The following SVIL variants were observed in gnomAD, a reference collection of about 807,000 sequenced individuals.
SVIL encodes supervillin, also known as archvillin.
SVIL carries 101 observed loss-of-function variants against 240.4 expected under a neutral mutation model. The ratio of observed to expected loss-of-function variants is 0.42; its 90% CI spans 0.36 to 0.50. The LOEUF is 0.50. Ranked by LOEUF, SVIL falls within the 20% of genes least tolerant of loss-of-function variation. The pLI is 0.01. For synonymous variants in SVIL, 999 were observed against 1,100.0 expected (o/e 0.91, Z 1.82); for missense variants, 2,512 against 2,818.7 (o/e 0.89, Z 2.46).
chr10:29,515,985 T>C (rs1228617375), intron 16 of SVIL, among the ~76,000 whole-genome samples: 6 of 151,986 alleles, frequency 3.9e-5, no homozygotes, highest in Admixed American at 3.9e-4. Flanking sequence ...CGTGGGTACA[T>C]CCGGGTCAAG....
At chr10:29,517,522 C>T (rs1424800453) in intron 16 of SVIL, among the ~76,000 whole-genome samples, 1 of 152,236 alleles carries the variant, frequency 6.6e-6, no homozygotes, top group Admixed American at 6.5e-5. Flanking sequence ...CTGGGGCCCT[C>T]TAGTGGCTGA....
intron 6 of SVIL, among the ~76,000 whole-genome samples, chr10:29,542,059 C>T (rs1952207016): frequency 6.6e-6 from 1 of 152,174 alleles, no homozygotes; most frequent in South Asian, 2.1e-4. Context: ...CATCGCTAAG[C>T]CTGCTGTGTA....
In SVIL at chr10:29,486,237, G is replaced by T. The variant is rs1564496494; in HGVS notation, c.4634-7C>A. The T allele has an allele frequency of 6.2e-7, 1 of 1,614,092 alleles. No individual in the cohort carries two copies. Among genetic ancestry groups the T allele is most frequent in the Non-Finnish European group, 8.5e-7 (1 of 1,179,976 alleles). On this transcript the variant is annotated splice_region_variant and splice_polypyrimidine_tract_variant and intron_variant, in intron 25 of 37. Coordinates refer to ENST00000355867, the MANE Select transcript of SVIL (RefSeq NM_021738.3). ...TCTTTTGGGTCTCCAGCAGCTTGGG[G>T]ATAAGAAGAACAGGAGAGCATCACA...
intron 1 of SVIL, among the ~76,000 whole-genome samples, chr10:29,608,617 C>G (rs116886464): frequency 6.6e-6 from 1 of 152,244 alleles, no homozygotes; most frequent in Non-Finnish European, 1.5e-5. Context: ...CGCTCCAGTG[C>G]GAAGCAAAGT....
chr10:29,465,873 G>T, intron 33 of SVIL, 123 bp from the exon 34 acceptor site: 6 of 1,276,886 alleles, frequency 4.7e-6, no homozygotes, highest in Non-Finnish European at 5.4e-6. Context: ...GGATTTATCT[G>T]AGCTTCAAGG....
chr10:29,589,997 C>T (rs1246842222), intron 1 of SVIL, among the ~76,000 whole-genome samples: 2 of 151,648 alleles, frequency 1.3e-5, no homozygotes, highest in Non-Finnish European at 2.9e-5. Context: ...GAAACCCCGT[C>T]TCTACTAAAA....
At chr10:29,659,742 C>T (rs1440830853) in intron 2 of SVIL, among the ~76,000 whole-genome samples, 4 of 152,286 alleles carry the variant, frequency 2.6e-5, no homozygotes, top group Non-Finnish European at 4.4e-5. Flanking sequence ...TCTTGTAAGC[C>T]ACAGAGATGG....
Position 29,478,994 on chromosome 10 carries a change from T to A in SVIL, c.5377+1543A>T, listed in dbSNP as rs1754770563. Among the ~76,000 whole-genome samples the A allele has an allele frequency of 2.0e-5, 3 of 151,194 alleles. No homozygotes were observed. In the South Asian group the frequency reaches 6.3e-4, roughly 32 times the overall value. ...AAATGTCCCTCCCATTGGGGGTCCT[T>A]GTCTGACATCCCACTACTCCCTGGA... On this transcript the variant is annotated intron_variant, in intron 29 of 37. Transcript: ENST00000355867.
chr10:29,696,790 G>A (rs1371028023), intron 1 of SVIL, among the ~76,000 whole-genome samples: 3 of 151,304 alleles, frequency 2.0e-5, no homozygotes, highest in East Asian at 2.0e-4. Flanking sequence ...GAGCATCTCC[G>A]CCTGGCAGCC....
At chr10:29,617,441 C>T (rs113781070) in intron 1 of SVIL, among the ~76,000 whole-genome samples, 2,636 of 151,972 alleles carry the variant, frequency 0.017, 81 homozygotes, top group African/African-American at 0.061. Context: ...ATTAGCCAGG[C>T]GTGGTGGTGC....
At chr10:29,474,957 A>G (rs1946030398) in intron 29 of SVIL, among the ~76,000 whole-genome samples, 1 of 152,230 alleles carries the variant, frequency 6.6e-6, no homozygotes, top group Non-Finnish European at 1.5e-5. Flanking sequence ...GATGGTCCCC[A>G]TGGCTGGAAC....
intron 1 of SVIL, among the ~76,000 whole-genome samples, chr10:29,630,973 G>A (rs1050746291): frequency 6.6e-6 from 1 of 152,290 alleles, no homozygotes; most frequent in Non-Finnish European, 1.5e-5. Flanking sequence ...TGGGTACCCT[G>A]CTGCCAAGGA....
intron 28 of SVIL, 59 bp from the exon 29 acceptor site, chr10:29,480,872 A>T: frequency 6.5e-7 from 1 of 1,544,626 alleles, no homozygotes. Flanking sequence ...ATTCCTTGTC[A>T]TGCTCAATGC....
intron 1 of SVIL, among the ~76,000 whole-genome samples, chr10:29,732,081 G>C (rs1467384481): frequency 2.0e-5 from 3 of 152,208 alleles, no homozygotes; most frequent in Non-Finnish European, 4.4e-5. Flanking sequence ...CAAAAGCAGG[G>C]ATCTTGCTCC....
intron 3 of SVIL, among the ~76,000 whole-genome samples, chr10:29,656,689 C>A (rs375681328): frequency 3.9e-5 from 6 of 152,168 alleles, no homozygotes; most frequent in Non-Finnish European, 5.9e-5. Flanking sequence ...TTTTCCCACA[C>A]ATGATTACAT....
intron 1 of SVIL, among the ~76,000 whole-genome samples, chr10:29,700,705 C>A (rs1009279634): frequency 6.6e-6 from 1 of 152,022 alleles, no homozygotes; most frequent in Non-Finnish European, 1.5e-5. Flanking sequence ...AATCTCCTGA[C>A]CTCATGATCC....
intron 1 of SVIL, among the ~76,000 whole-genome samples, chr10:29,601,116 T>C (rs1471672086): frequency 6.6e-6 from 1 of 152,206 alleles, no homozygotes; most frequent in Non-Finnish European, 1.5e-5. Flanking sequence ...AATATGTGAC[T>C]ACAATTATAG....
intron 1 of SVIL, among the ~76,000 whole-genome samples, chr10:29,572,779 AAAGAAAAAGAAAAAG>A (rs2132731665): frequency 7.2e-6 from 1 of 139,278 alleles, no homozygotes; most frequent in South Asian, 2.3e-4. Context: ...AAAAAAAAAA[AAAGAAAAAGAAAAAG>A]AAAAAAAGAA....
chr10:29,686,256 G>T (rs556778808), intron 2 of SVIL, among the ~76,000 whole-genome samples: 108 of 152,232 alleles, frequency 7.1e-4, no homozygotes, highest in African/African-American at 2.6e-3. Context: ...CCCTATAAAT[G>T]TGAGGCTGTC....
Sources: gnomAD v4.1 joint callset for allele counts (sites outside exome capture counted in the v4.1 genomes callset) on GRCh38, gnomAD v4.1.1 for gene constraint, MANE v1.5 for transcripts, NCBI Gene and HGNC (gene_info 2026-07-23, HGNC 2026-07-21) for gene names.